The following ASCC3 variants were observed in gnomAD, a reference collection of about 807,000 sequenced individuals.
ASCC3 encodes the protein ASC-1 complex subunit P200.
Under a neutral mutation model 256.3 loss-of-function variants are expected in ASCC3, and 158 were observed. The observed-to-expected ratio is 0.62, with a 90% CI of 0.54 to 0.70. The LOEUF (loss-of-function observed/expected upper bound fraction) is 0.70, where lower values mean the gene tolerates loss of function less well. Ranked by LOEUF, ASCC3 falls within the 30% of genes least tolerant of loss-of-function variation. The probability of loss-of-function intolerance (pLI) is 0.00; values close to 1 mark genes in which losing one functional copy is unlikely to be tolerated. For missense variants in ASCC3, 2,259 were observed against 2,626.0 expected, an observed-to-expected ratio of 0.86 and a Z score of 3.05; for synonymous variants, 948 against 883.4, an observed-to-expected ratio of 1.07 and a Z score of -1.30.
At chr6:100,634,547 T>C (rs73500997) in intron 25 of ASCC3, among the ~76,000 whole-genome samples, 2 of 152,052 alleles carry the variant, frequency 1.3e-5, no homozygotes, top group Non-Finnish European at 2.9e-5. Context: ...CAATAGCAGA[T>C]AAACCCAAAT....
chr6:100,694,514 T>C (rs902597778), intron 13 of ASCC3, among the ~76,000 whole-genome samples: 4 of 152,066 alleles, frequency 2.6e-5, no homozygotes, highest in Non-Finnish European at 4.4e-5. Flanking sequence ...AACAGTTTCA[T>C]TGTTTCTAAA....
Position 100,716,519 on chromosome 6 carries a change from T to C in ASCC3, c.2080-986A>G, listed in dbSNP as rs566022552. 3.3e-5 allele frequency among the ~76,000 whole-genome samples: 5 copies of C among 152,068 alleles called. No individual in the cohort carries two copies. The South Asian group carries it at 1.0e-3, about 31-fold the overall frequency. ...TTTCATTAATGTAAACATTTTAAAA[T>C]ACTGGAACTCTTATGACCTATAACG... On this transcript the variant is annotated intron_variant, in intron 12 of 41. Transcript: ENST00000369162.
intron 14 of ASCC3, among the ~76,000 whole-genome samples, chr6:100,670,355 C>T (rs1214934744): frequency 6.6e-6 from 1 of 151,868 alleles, no homozygotes; most frequent in Non-Finnish European, 1.5e-5. Context: ...CTGTAGACAC[C>T]ACAAACCATG....
rs560805249 is a variant in ASCC3 at position 100,866,457 on chromosome 6, C to A, written c.90+1451G>T. On this transcript the variant is annotated intron_variant, in intron 2 of 41. Transcript: ENST00000369162. ...TCATTCATCACAGTAGTGAAATCAT[C>A]ACATCTACTAATTGATCAGAATCCG... is the stretch of plus-strand genomic sequence containing the variant. Among the ~76,000 whole-genome samples the A allele has an allele frequency of 5.9e-5, 9 of 152,292 alleles. No individual in the cohort carries two copies. The East Asian group carries it at 1.7e-3, about 29-fold the overall frequency.
At chr6:100,564,151 G>GTT (rs1361705060) in intron 36 of ASCC3, among the ~76,000 whole-genome samples, 63 of 143,862 alleles carry the variant, frequency 4.4e-4, no homozygotes, top group Non-Finnish European at 8.0e-4. Context: ...GGGTACATGT[G>GTT]TTTTTTTTTT....
chr6:100,840,784 CTGAA>C (rs1772106549), intron 4 of ASCC3, among the ~76,000 whole-genome samples: 1 of 151,716 alleles, frequency 6.6e-6, no homozygotes, highest in African/African-American at 2.4e-5. Flanking sequence ...GTGATTATGA[CTGAA>C]TAATGGTGGG....
intron 14 of ASCC3, among the ~76,000 whole-genome samples, chr6:100,676,716 T>C (rs1777027246): frequency 6.6e-6 from 1 of 151,840 alleles, no homozygotes; most frequent in African/African-American, 2.4e-5. Context: ...AATAGCCTTA[T>C]TACAAGCAAA....
At chr6:100,744,265 A>T (rs182625371) in intron 10 of ASCC3, among the ~76,000 whole-genome samples, 1 of 152,268 alleles carries the variant, frequency 6.6e-6, no homozygotes, top group Admixed American at 6.5e-5. Context: ...CTTTATACCA[A>T]ATAGAGCACT....
chr6:100,542,282 G>A (rs918162328), intron 36 of ASCC3, among the ~76,000 whole-genome samples: 6 of 152,166 alleles, frequency 3.9e-5, no homozygotes, highest in Non-Finnish European at 5.9e-5. Context: ...GCAGCCAGAG[G>A]AAACACTATG....
rs74935173 is a variant in ASCC3, at chr6:100,756,604, G to A, written c.1737+9961C>T. 0.013 allele frequency among the ~76,000 whole-genome samples: 1,966 copies of A among 152,032 alleles called. 100 individuals are homozygous for A. In the East Asian group the frequency reaches 0.15, roughly 12 times the overall value. On this transcript the variant is annotated intron_variant, in intron 10 of 41. Coordinates refer to ENST00000369162, the MANE Select transcript of ASCC3 (RefSeq NM_006828.4). ...ATGAGAAAATATTTAAAATAGTAAC[G>A]TTATACATGTATATACACTAAGGGA...
chr6:100,672,234 T>G (rs1229216567), intron 14 of ASCC3, among the ~76,000 whole-genome samples: 1 of 152,108 alleles, frequency 6.6e-6, no homozygotes, highest in South Asian at 2.1e-4. Flanking sequence ...TTAATCTTTC[T>G]GTCCTTCCAG....
intron 3 of ASCC3, among the ~76,000 whole-genome samples, chr6:100,863,805 T>A (rs1284683821): frequency 6.6e-6 from 1 of 152,054 alleles, no homozygotes; most frequent in Non-Finnish European, 1.5e-5. Context: ...GTATTTTTAG[T>A]AGAGACAGGG....
At chr6:100,824,165 A>G (rs1771184837) in intron 4 of ASCC3, among the ~76,000 whole-genome samples, 1 of 152,226 alleles carries the variant, frequency 6.6e-6, no homozygotes, top group Non-Finnish European at 1.5e-5. Context: ...TTAAAGATGC[A>G]GAAGCAAAAT....
At chr6:100,777,576 C>T (rs1391311858) in intron 8 of ASCC3, among the ~76,000 whole-genome samples, 1 of 152,008 alleles carries the variant, frequency 6.6e-6, no homozygotes, top group Admixed American at 6.6e-5. Flanking sequence ...ATAACAGTTA[C>T]CTTAAATTAG....
chr6:100,604,517 G>T lies in ASCC3; in HGVS notation c.5177+1051C>A, dbSNP rs35754378. Among the ~76,000 whole-genome samples, 197 of 151,514 alleles carry T rather than the reference G, an allele frequency of 1.3e-3. 3 individuals carry two copies. The highest frequency in any genetic ancestry group is 2.8e-3 in the Admixed American group (42 of 15,168). On this transcript the variant is annotated intron_variant, in intron 33 of 41. Transcript: ENST00000369162. ...GTTGCTCAAATTAGAGTGCAGTGGTGTTACAACACATGTACCTCAAGCTCC... is the reference window on the plus strand; with the variant it reads ...GTTGCTCAAATTAGAGTGCAGTGGTTTTACAACACATGTACCTCAAGCTCC...
chr6:100,564,175 C>T (rs573029247), intron 36 of ASCC3, among the ~76,000 whole-genome samples: 64 of 150,828 alleles, frequency 4.2e-4, no homozygotes, highest in Middle Eastern at 3.4e-3. Context: ...TACGTGCATA[C>T]AATGTAGAAT....
chr6:100,613,213 T>C (rs1773496872), intron 30 of ASCC3, among the ~76,000 whole-genome samples: 1 of 151,974 alleles, frequency 6.6e-6, no homozygotes, highest in South Asian at 2.1e-4. Flanking sequence ...TTGGGTACAT[T>C]GTACCCATTA....
At chr6:100,749,404 T>C (rs1013933113) in intron 10 of ASCC3, among the ~76,000 whole-genome samples, 7 of 152,034 alleles carry the variant, frequency 4.6e-5, no homozygotes, top group African/African-American at 1.4e-4. Context: ...AAAGGGTATA[T>C]ACTAAACATC....
At chr6:100,555,612 G>C (rs941188817) in intron 36 of ASCC3, among the ~76,000 whole-genome samples, 1 of 152,110 alleles carries the variant, frequency 6.6e-6, no homozygotes, top group African/African-American at 2.4e-5. Flanking sequence ...AGGATTTATA[G>C]CTAAGTCCTT....
Sources: allele counts gnomAD v4.1 joint callset (sites outside exome capture counted in the v4.1 genomes callset), GRCh38; gene constraint gnomAD v4.1.1; transcripts MANE v1.5; gene names NCBI Gene and HGNC (gene_info 2026-07-23, HGNC 2026-07-21).